Variants in NLRC5 observed in about 807,000 individuals in gnomAD.
NLRC5 encodes NLR family CARD domain containing 5, also known as protein NLRC5.
A neutral mutation model predicts 206.9 loss-of-function variants in NLRC5; 114 were observed. That is an observed-to-expected ratio of 0.55 (90% confidence interval 0.47 to 0.64). The LOEUF (loss-of-function observed/expected upper bound fraction) is 0.64, where lower values mean the gene tolerates loss of function less well. Ranked by LOEUF, NLRC5 falls within the 30% of genes least tolerant of loss-of-function variation. The pLI, the probability that NLRC5 is intolerant of heterozygous loss-of-function variation, is 0.00. For missense variants in NLRC5, 2,008 were observed against 2,305.5 expected (o/e 0.87, Z 2.64); for synonymous variants, 952 against 962.8 (o/e 0.99, Z 0.21).
intron 1 of NLRC5, among the ~76,000 whole-genome samples, chr16:57,012,820 T>C (rs1448330573): frequency 2.0e-5 from 3 of 152,224 alleles, no homozygotes; most frequent in Non-Finnish European, 4.4e-5. Flanking sequence ...CCATTTTACA[T>C]TCCCACCGGC....
intron 16 of NLRC5, 92 bp downstream of exon 16, chr16:57,039,941 C>A: frequency 9.1e-7 from 1 of 1,099,422 alleles, no homozygotes; most frequent in Non-Finnish European, 1.4e-6. Flanking sequence ...AGTCAACTGC[C>A]AGGGTGACCT....
At chr16:57,016,813 G>A (rs367728068) in intron 1 of NLRC5, among the ~76,000 whole-genome samples, 3 of 152,180 alleles carry the variant, frequency 2.0e-5, no homozygotes, top group East Asian at 3.8e-4. Flanking sequence ...ATCTGAATTG[G>A]AGGAGGAAGA....
chr16:57,055,380 G>T (rs959917965), intron 26 of NLRC5, 53 bp from the exon 27 acceptor site: 12 of 1,546,258 alleles, frequency 7.8e-6, no homozygotes, highest in Non-Finnish European at 6.2e-6. Context: ...GCCGGAGGGG[G>T]TCTCAGTGGC....
chr16:57,067,961 C>G, intron 36 of NLRC5, 133 bp downstream of exon 36: 1 of 691,034 alleles, frequency 1.4e-6, no homozygotes, highest in Non-Finnish European at 2.5e-6. Context: ...CACAGGTGGC[C>G]CTGGAGATGA....
rs575809040 is a variant in NLRC5, at chr16:57,041,662, G to A, written c.3029+88G>A. ...GTTTGGGTTTGGTTTTTAAGATTTA[G>A]ATCAACTGTTCTTTCCCTGCTGAAG... On this transcript the variant is annotated intron_variant, in intron 18 of 48. Transcript: ENST00000688547. The A allele has an allele frequency of 2.9e-5, 31 of 1,063,654 alleles. No homozygotes were observed. The South Asian group carries it at 4.1e-4, about 14-fold the overall frequency. 65.9% of individuals were successfully genotyped at this position (1,063,654 alleles called of 1,614,324 possible). A position where few individuals can be genotyped will look rare whatever the true frequency, so the allele number is the denominator to read the frequency against.
Position 57,034,232 on chromosome 16 carries a change from C to T in NLRC5, c.2608C>T (p.Pro870Ser). ...CCTCATAGCCCTGCTCCAGGAAGGC[C>T]CTCACCTGGAGGAAGTGGAGTGAGT... ...EALIALLQEG[P>S]HLEEVDLSGN... The change falls in exon 13 of 49, where the codon CCT becomes TCT. Residue 870 changes from proline (P) to serine (S), a missense_variant. Coordinates refer to ENST00000688547, the MANE Select transcript of NLRC5 (RefSeq NM_001384950.1). The T allele has an allele frequency of 6.2e-7, 1 of 1,613,884 alleles. No individual in the cohort carries two copies. The highest frequency in any genetic ancestry group is 8.5e-7 in the Non-Finnish European group (1 of 1,179,828).
At chr16:57,003,402 C>T (rs1273514266) in intron 1 of NLRC5, among the ~76,000 whole-genome samples, 1 of 152,146 alleles carries the variant, frequency 6.6e-6, no homozygotes, top group Non-Finnish European at 1.5e-5. Context: ...TCCACATGCC[C>T]CATCCCACAA....
At chr16:57,027,952 G>A (rs1421674385) in intron 6 of NLRC5, 120 bp from the exon 7 acceptor site, 15 of 585,150 alleles carry the variant, frequency 2.6e-5, no homozygotes, top group Admixed American at 2.2e-4. Flanking sequence ...TAGAAGTCTC[G>A]GCCATAATAT....
intron 14 of NLRC5, among the ~76,000 whole-genome samples, chr16:57,036,709 G>A (rs1025649184): frequency 6.6e-6 from 1 of 151,996 alleles, no homozygotes; most frequent in Non-Finnish European, 1.5e-5. Context: ...GTCGGGTTTG[G>A]GGAGTGTTGA....
chr16:57,005,110 G>A (rs1335352411), intron 1 of NLRC5, among the ~76,000 whole-genome samples: 7 of 152,194 alleles, frequency 4.6e-5, no homozygotes, highest in African/African-American at 1.7e-4. Context: ...CGAACGGAAA[G>A]CCAGAGGTCC....
At chr16:56,997,303 C>A (rs1180935339) in intron 1 of NLRC5, among the ~76,000 whole-genome samples, 1 of 152,112 alleles carries the variant, frequency 6.6e-6, no homozygotes, top group African/African-American at 2.4e-5. Flanking sequence ...AATACTGTAG[C>A]CTGATGCCCA....
intron 1 of NLRC5, among the ~76,000 whole-genome samples, chr16:57,011,473 G>A (rs1022787922): frequency 6.6e-6 from 1 of 151,944 alleles, no homozygotes; most frequent in Non-Finnish European, 1.5e-5. Context: ...TGTAATCCCA[G>A]CACTTACGGA....
In NLRC5 at chr16:57,016,770, C is replaced by T. The variant is rs114210518; in HGVS notation, c.-127-304C>T. On this transcript the variant is annotated intron_variant, in intron 1 of 48. Transcript: ENST00000688547. ...AATAACTTTGCTGACTTGCAGGGCT[C>T]ATTGTGATGCCAAAGGACATTGTAA... is the stretch of plus-strand genomic sequence containing the variant. Among the ~76,000 whole-genome samples, 769 of 152,228 alleles carry T rather than the reference C, an allele frequency of 5.1e-3. 5 individuals carry two copies. The highest frequency in any genetic ancestry group is 0.018 in the African/African-American group (742 of 41,514).
intron 2 of NLRC5, among the ~76,000 whole-genome samples, chr16:57,019,872 G>A (rs1259844663): frequency 6.6e-6 from 1 of 152,176 alleles, no homozygotes; most frequent in Non-Finnish European, 1.5e-5. Context: ...TCTCTGCCAT[G>A]AGGTTAGCTC....
Position 57,058,167 on chromosome 16 carries a change from A to G in NLRC5, c.3830+19A>G. The G allele has an allele frequency of 6.3e-7, 1 of 1,595,644 alleles. No individual in the cohort carries two copies. The highest frequency in any genetic ancestry group is 2.2e-5 in the East Asian group (1 of 44,448). ...TGCTTGAGTAAGTGGAAAGCAGCATAAAGGACAGATAGCAAGGAGGAAGGC... is the reference window on the plus strand; with the variant it reads ...TGCTTGAGTAAGTGGAAAGCAGCATGAAGGACAGATAGCAAGGAGGAAGGC... On this transcript the variant is annotated intron_variant, in intron 28 of 48. Coordinates refer to ENST00000688547, the MANE Select transcript of NLRC5 (RefSeq NM_001384950.1).
Position 57,079,032 on chromosome 16 carries a change from C to T in NLRC5, c.5082-18C>T. 6.2e-7 allele frequency: 1 copy of T among 1,611,742 alleles called. No homozygotes were observed. Among genetic ancestry groups the T allele is most frequent in the Non-Finnish European group, 8.5e-7 (1 of 1,178,128 alleles). On this transcript the variant is annotated intron_variant, in intron 43 of 48. Coordinates refer to ENST00000688547, the MANE Select transcript of NLRC5 (RefSeq NM_001384950.1). ...CGCCAGTCCCTCAGGCTCCTCTCACCCTCTCCTCTTTCCCCAGCCTACCAT... is the reference window on the plus strand; with the variant it reads ...CGCCAGTCCCTCAGGCTCCTCTCACTCTCTCCTCTTTCCCCAGCCTACCAT...
chr16:57,061,893 C>G, intron 32 of NLRC5, 192 bp downstream of exon 32: 2 of 1,534,620 alleles, frequency 1.3e-6, no homozygotes, highest in Non-Finnish European at 1.7e-6. Flanking sequence ...AACTGTCCTT[C>G]CCCACACTGG....
chr16:57,078,793 C>G lies in NLRC5; in HGVS notation c.5082-257C>G, dbSNP rs140386861. ...GCTGGTGCTGGGACTTTTATGTGCT[C>G]CCTTTTCCAGGCAAGGGAATGAAGG... On this transcript the variant is annotated intron_variant, in intron 43 of 48. Coordinates refer to ENST00000688547, the MANE Select transcript of NLRC5 (RefSeq NM_001384950.1). 4.4e-3 allele frequency among the ~76,000 whole-genome samples: 669 copies of G among 152,162 alleles called. 12 individuals carry two copies. The highest frequency in any genetic ancestry group is 0.015 in the African/African-American group (638 of 41,476).
intron 38 of NLRC5, 102 bp from the exon 39 acceptor site, chr16:57,074,498 C>A: frequency 1.0e-6 from 1 of 956,944 alleles, no homozygotes; most frequent in Non-Finnish European, 1.7e-6. Context: ...AAGTGGCTGT[C>A]TTGGAGGTCC....
Sources: gnomAD v4.1 joint callset for allele counts (sites outside exome capture counted in the v4.1 genomes callset) on GRCh38, gnomAD v4.1.1 for gene constraint, MANE v1.5 for transcripts, NCBI Gene and HGNC (gene_info 2026-07-23, HGNC 2026-07-21) for gene names.